Variants in AGPAT5 observed in about 807,000 individuals in gnomAD.
AGPAT5 encodes 1-acylglycerol-3-phosphate O-acyltransferase 5.
A neutral mutation model predicts 45.6 loss-of-function variants in AGPAT5; 46 were observed. The observed-to-expected ratio is 1.01, with a 90% CI of 0.80 to 1.29. AGPAT5 has a LOEUF of 1.29. Ranked by LOEUF, AGPAT5 falls within the 50% of genes most tolerant of loss-of-function variation. The pLI, the probability that AGPAT5 is intolerant of heterozygous loss-of-function variation, is 0.00. For missense variants in AGPAT5, 673 were observed against 450.7 expected (o/e 1.49, Z -4.47); for synonymous variants, 272 against 167.0 (o/e 1.63, Z -4.85).
intron 1 of AGPAT5, chr8:6,709,237 C>T: frequency 5.9e-6 from 2 of 341,726 alleles, no homozygotes; most frequent in Admixed American, 4.5e-5. Context: ...AAGAGGTGGT[C>T]ATGTTGGAAC....
Position 6,757,238 on chromosome 8 carries a change from A to G in AGPAT5, c.945A>G (p.Lys315=), listed in dbSNP as rs1173940550. ...KRFPGKSVNS[K]LSIKKTLPSM... is the part of the protein sequence containing the mutation. Reference sequence around the variant, plus strand: ...TTCCTGGGAAAAGTGTTAATTCCAAATTAAGTATCAAGAAGACTTTACCAT... The same window carrying G: ...TTCCTGGGAAAAGTGTTAATTCCAAGTTAAGTATCAAGAAGACTTTACCAT... Residue 315 remains lysine (K), a synonymous_variant, in exon 8 of 8, where the codon AAA becomes AAG. Transcript: ENST00000285518. 3 of 1,614,220 alleles carry G rather than the reference A, an allele frequency of 1.9e-6. No individual in the cohort carries two copies. Among genetic ancestry groups the G allele is most frequent in the Non-Finnish European group, 1.7e-6 (2 of 1,180,032 alleles).
intron 6 of AGPAT5, among the ~76,000 whole-genome samples, chr8:6,752,027 A>G (rs1316996661): frequency 6.6e-6 from 1 of 151,950 alleles, no homozygotes; most frequent in African/African-American, 2.4e-5. Context: ...AAATACAAAA[A>G]TTAGCCGGGC....
rs758880690 is a variant in AGPAT5 at position 6,747,693 on chromosome 8, C to T, written c.610C>T (p.Leu204=). 3 of 1,614,024 alleles carry T rather than the reference C, an allele frequency of 1.9e-6. No individual in the cohort carries two copies. The highest frequency in any genetic ancestry group is 1.7e-5 in the Admixed American group (1 of 60,014). ...AGGCCTTGCAGTATTAAAACATGTG[C>T]TAACACCACGAATAAAGGCAACTCA... is the stretch of plus-strand genomic sequence containing the variant. ...QRGLAVLKHV[L]TPRIKATHVA... is the part of the protein sequence containing the mutation. The change falls in exon 6 of 8, where the codon CTA becomes TTA. Residue 204 remains leucine, a synonymous_variant. Transcript: ENST00000285518.
Position 6,757,758 on chromosome 8 carries a change from T to C in AGPAT5, c.*370T>C, listed in dbSNP as rs748331349. The C allele has an allele frequency of 1.2e-4, 20 of 168,746 alleles. No homozygotes were observed. Among genetic ancestry groups the C allele is most frequent in the Non-Finnish European group, 2.0e-4 (16 of 78,344 alleles). The allele number at this position is 168,746 out of a possible 1,614,324, so 10.5% of individuals were successfully genotyped here. On this transcript the variant is annotated 3_prime_UTR_variant, in exon 8 of 8. Coordinates refer to ENST00000285518, the MANE Select transcript of AGPAT5 (RefSeq NM_018361.5). ...TTCACTTTTTCTGTTATTTTCAATT[T>C]ATTACAACTTGACAGCTCCAAGCTC...
chr8:6,746,463 G>C (rs564769499), intron 5 of AGPAT5, among the ~76,000 whole-genome samples: 5 of 152,148 alleles, frequency 3.3e-5, no homozygotes, highest in Admixed American at 6.5e-5. Context: ...TTGTTTTAGT[G>C]AACACCACAG....
chr8:6,739,419 G>A (rs568124671), intron 4 of AGPAT5, among the ~76,000 whole-genome samples: 4 of 152,070 alleles, frequency 2.6e-5, no homozygotes, highest in South Asian at 2.1e-4. Context: ...ATTCATGAAC[G>A]TAGCCTGCAT....
chr8:6,756,275 G>T (rs530887262), intron 7 of AGPAT5, among the ~76,000 whole-genome samples: 6 of 152,208 alleles, frequency 3.9e-5, no homozygotes, highest in African/African-American at 1.4e-4. Flanking sequence ...GCAGTGAGCA[G>T]TCCATATCCA....
chr8:6,759,115 A>G lies in AGPAT5; in HGVS notation c.*1727A>G, dbSNP rs1300149804. ...AATAATCGGGGCATGGGTAAAACTT[A>G]TGAAAATTTCCTCATGCTGAATTGT... On this transcript the variant is annotated 3_prime_UTR_variant, in exon 8 of 8. Coordinates refer to ENST00000285518, the MANE Select transcript of AGPAT5 (RefSeq NM_018361.5). 4 of 152,226 alleles carry G rather than the reference A, an allele frequency of 2.6e-5. No individual in the cohort carries two copies. The highest frequency in any genetic ancestry group is 4.4e-5 in the Non-Finnish European group (3 of 68,044). The allele number at this position is 152,226 out of a possible 1,614,324, so 9.4% of individuals were successfully genotyped here.
chr8:6,722,943 CAAAA>C (rs1480063931), intron 1 of AGPAT5, among the ~76,000 whole-genome samples: 4 of 151,828 alleles, frequency 2.6e-5, no homozygotes, highest in Admixed American at 2.6e-4. Flanking sequence ...TTATGAAAAA[CAAAA>C]AGAAAAGCCG....
chr8:6,724,477 A>G (rs1329321161), intron 1 of AGPAT5, among the ~76,000 whole-genome samples: 2 of 152,180 alleles, frequency 1.3e-5, no homozygotes, highest in Non-Finnish European at 2.9e-5. Context: ...AAAAGGTACC[A>G]TATTTTCATA....
At chr8:6,727,541 C>A (rs1215057397) in intron 2 of AGPAT5, among the ~76,000 whole-genome samples, 1 of 152,148 alleles carries the variant, frequency 6.6e-6, no homozygotes, top group Non-Finnish European at 1.5e-5. Context: ...ACCACCACGC[C>A]TGGCTAATTT....
intron 4 of AGPAT5, chr8:6,738,548 G>C (rs1801133008): frequency 6.6e-6 from 1 of 152,166 alleles, no homozygotes; most frequent in Admixed American, 6.5e-5. Context: ...ACAGAGACGT[G>C]AGGTGAGCAC....
In AGPAT5 at chr8:6,741,711, A is replaced by G. The variant is rs1801250339; in HGVS notation, c.546A>G (p.Thr182=). Residue 182 remains threonine (T), a synonymous_variant, in exon 5 of 8, where the codon ACA becomes ACG. Transcript: ENST00000285518. ...PEGTRYNPEQ[T]KVLSASQAFA... Reference sequence around the variant, plus strand: ...GTACAAGGTATAATCCAGAGCAAACAAAAGTCCTTTCAGCTAGTCAGGCAT... The same window carrying G: ...GTACAAGGTATAATCCAGAGCAAACGAAAGTCCTTTCAGCTAGTCAGGCAT... 6.2e-7 allele frequency: 1 copy of G among 1,612,914 alleles called. No homozygotes were observed. Among genetic ancestry groups the G allele is most frequent in the East Asian group, 2.2e-5 (1 of 44,800 alleles).
rs1342946005 is a variant in AGPAT5, at chr8:6,760,522, G to T, written c.*3134G>T. Among the ~76,000 whole-genome samples the T allele has an allele frequency of 6.6e-6, 1 of 152,222 alleles. No homozygotes were observed. The highest frequency in any genetic ancestry group is 1.5e-5 in the Non-Finnish European group (1 of 68,042). ...AATGTCTACCAAAGCAGTATTTTGT[G>T]TGTATAATTGCAAGCGCATAGTAAA... is the stretch of plus-strand genomic sequence containing the variant. On this transcript the variant is annotated 3_prime_UTR_variant, in exon 8 of 8. Transcript: ENST00000285518.
chr8:6,754,596 G>A (rs1265838728), intron 6 of AGPAT5, among the ~76,000 whole-genome samples: 1 of 152,142 alleles, frequency 6.6e-6, no homozygotes, highest in African/African-American at 2.4e-5. Context: ...CTTCCTCTCG[G>A]CCCCTGTGGA....
intron 4 of AGPAT5, among the ~76,000 whole-genome samples, chr8:6,734,635 G>T (rs1800981477): frequency 6.6e-6 from 1 of 152,098 alleles, no homozygotes; most frequent in Non-Finnish European, 1.5e-5. Context: ...TTCAGATTGT[G>T]CTTTATCTTG....
At chr8:6,754,501 C>T (rs368641525) in intron 6 of AGPAT5, among the ~76,000 whole-genome samples, 1 of 152,096 alleles carries the variant, frequency 6.6e-6, no homozygotes, top group South Asian at 2.1e-4. Context: ...GTGTGTCAGG[C>T]GACAAGCAAA....
Position 6,732,638 on chromosome 8 carries a change from C to T in AGPAT5, c.483C>T (p.Asp161=), listed in dbSNP as rs375650774. 43 of 1,608,434 alleles carry T rather than the reference C, an allele frequency of 2.7e-5. No homozygotes were observed. The highest frequency in any genetic ancestry group is 1.0e-4 in the Admixed American group (6 of 58,404). Residue 161 remains aspartate, a synonymous_variant, in exon 4 of 8, where the codon GAC becomes GAT. Transcript: ENST00000285518. ...GAAACAAGTTGCAGAGCTACGTGGA[C>T]GCAGGAACTCCAGTAAGAGCCTACC... The part of the protein sequence containing the change: ...EMRNKLQSYV[D]AGTPMYLVIF...
chr8:6,712,363 A>G (rs566435929), intron 1 of AGPAT5, among the ~76,000 whole-genome samples: 3 of 137,810 alleles, frequency 2.2e-5, no homozygotes, highest in Non-Finnish European at 4.5e-5. Flanking sequence ...TGAAATTACC[A>G]TCTTGTGATT....
Sources: gnomAD v4.1 joint callset for allele counts (sites outside exome capture counted in the v4.1 genomes callset) on GRCh38, gnomAD v4.1.1 for gene constraint, MANE v1.5 for transcripts, NCBI Gene and HGNC (gene_info 2026-07-23, HGNC 2026-07-21) for gene names.